C8orf34: variants seen among roughly 807,000 people sequenced by gnomAD.
C8orf34 encodes uncharacterized protein C8orf34.
A neutral mutation model predicts 68.3 loss-of-function variants in C8orf34; 65 were observed. That is an observed-to-expected ratio of 0.95 (90% CI 0.78 to 1.17). The LOEUF (loss-of-function observed/expected upper bound fraction) is 1.17. C8orf34 is among the 50% of genes most tolerant of loss of function. The pLI is 0.00. For missense variants in C8orf34, 664 were observed against 655.4 expected, an observed-to-expected ratio of 1.01 and a Z score of -0.14; for synonymous variants, 244 against 241.2, an observed-to-expected ratio of 1.01 and a Z score of -0.11.
intron 1 of C8orf34, among the ~76,000 whole-genome samples, chr8:68,399,474 A>C (rs1808857355): frequency 6.6e-6 from 1 of 152,126 alleles, no homozygotes; most frequent in Non-Finnish European, 1.5e-5. Context: ...CATCTATGTC[A>C]CTGCAAAAGA....
At chr8:68,746,078 A>T (rs1822481096) in intron 10 of C8orf34, among the ~76,000 whole-genome samples, 1 of 152,222 alleles carries the variant, frequency 6.6e-6, no homozygotes. Flanking sequence ...AGGATTAAGA[A>T]TCTCACTCAA....
chr8:68,338,237 A>G (rs73683497), intron 1 of C8orf34, among the ~76,000 whole-genome samples: 1 of 152,272 alleles, frequency 6.6e-6, no homozygotes, highest in African/African-American at 2.4e-5. Context: ...CCCATTAATG[A>G]GGGAGCAGCT....
At chr8:68,434,323 C>T (rs1473694785) in intron 1 of C8orf34, among the ~76,000 whole-genome samples, 1 of 152,132 alleles carries the variant, frequency 6.6e-6, no homozygotes, top group Non-Finnish European at 1.5e-5. Flanking sequence ...GATGTGAGGT[C>T]CCAGTGTGTG....
chr8:68,607,011 C>T (rs1396889695), intron 7 of C8orf34, among the ~76,000 whole-genome samples: 3 of 152,040 alleles, frequency 2.0e-5, no homozygotes, highest in African/African-American at 7.2e-5. Flanking sequence ...CAACATACTA[C>T]ATATCTCCAG....
At chr8:68,429,930 C>A (rs1388223861) in intron 1 of C8orf34, among the ~76,000 whole-genome samples, 1 of 151,980 alleles carries the variant, frequency 6.6e-6, no homozygotes, top group Non-Finnish European at 1.5e-5. Context: ...AACCTAAAAC[C>A]CTTGGAATTT....
intron 10 of C8orf34, among the ~76,000 whole-genome samples, chr8:68,771,444 T>C (rs1242730168): frequency 6.6e-6 from 1 of 152,166 alleles, no homozygotes; most frequent in African/African-American, 2.4e-5. Context: ...AATTAGGAAG[T>C]GATATATGAT....
chr8:68,779,807 A>T (rs1585870939), intron 11 of C8orf34, among the ~76,000 whole-genome samples: 1 of 152,266 alleles, frequency 6.6e-6, no homozygotes, highest in East Asian at 1.9e-4. Flanking sequence ...ATTATTAATT[A>T]TCATAGTTTT....
At chr8:68,616,370 A>C (rs1489357813) in intron 7 of C8orf34, among the ~76,000 whole-genome samples, 1 of 151,948 alleles carries the variant, frequency 6.6e-6, no homozygotes, top group African/African-American at 2.4e-5. Flanking sequence ...CTAGTCTTTT[A>C]ATTGTGATGT....
At chr8:68,499,174 T>C (rs959872811) in intron 5 of C8orf34, among the ~76,000 whole-genome samples, 1 of 152,300 alleles carries the variant, frequency 6.6e-6, no homozygotes. Context: ...TGAGAACATG[T>C]GGTATTTGGT....
chr8:68,357,109 T>G, intron 1 of C8orf34, among the ~76,000 whole-genome samples: 1 of 152,156 alleles, frequency 6.6e-6, no homozygotes, highest in East Asian at 1.9e-4. Flanking sequence ...TCATTTTATT[T>G]TTTTCCTGTT....
At chr8:68,786,266 T>C (rs1252288031) in intron 11 of C8orf34, among the ~76,000 whole-genome samples, 1 of 151,994 alleles carries the variant, frequency 6.6e-6, no homozygotes, top group Non-Finnish European at 1.5e-5. Context: ...AGGAGAACCA[T>C]CTTTCCCCTC....
intron 1 of C8orf34, among the ~76,000 whole-genome samples, chr8:68,333,203 C>T (rs1188224837): frequency 6.6e-6 from 1 of 152,094 alleles, no homozygotes; most frequent in Non-Finnish European, 1.5e-5. Flanking sequence ...TTATGAAGTG[C>T]CCCCTAACCC....
At chr8:68,648,410 C>T (rs1009145464) in intron 8 of C8orf34, among the ~76,000 whole-genome samples, 1 of 152,160 alleles carries the variant, frequency 6.6e-6, no homozygotes, top group Non-Finnish European at 1.5e-5. Flanking sequence ...ATACCAATAA[C>T]TGGCAGACAA....
chr8:68,568,153 T>C (rs1816653387), intron 7 of C8orf34, among the ~76,000 whole-genome samples: 1 of 152,128 alleles, frequency 6.6e-6, no homozygotes, highest in Admixed American at 6.5e-5. Context: ...GCAATTACAA[T>C]AGGAACACCA....
intron 5 of C8orf34, among the ~76,000 whole-genome samples, chr8:68,505,997 T>G (rs1814004620): frequency 1.3e-5 from 2 of 152,182 alleles, no homozygotes; most frequent in Non-Finnish European, 2.9e-5. Context: ...AACTCATCAG[T>G]GAAACCAACC....
At chr8:68,467,675 C>G (rs1049054048) in intron 3 of C8orf34, among the ~76,000 whole-genome samples, 2 of 151,892 alleles carry the variant, frequency 1.3e-5, no homozygotes, top group African/African-American at 2.4e-5. Flanking sequence ...TAGAGCAACT[C>G]CAGTAGGAGC....
chr8:68,686,788 G>A (rs1037790192), intron 8 of C8orf34, among the ~76,000 whole-genome samples: 2 of 152,086 alleles, frequency 1.3e-5, no homozygotes, highest in African/African-American at 2.4e-5. Context: ...AATCAGGCAA[G>A]AGAAAGAAAT....
At chr8:68,561,622 G>A (rs1245741253) in intron 7 of C8orf34, among the ~76,000 whole-genome samples, 1 of 152,128 alleles carries the variant, frequency 6.6e-6, no homozygotes, top group African/African-American at 2.4e-5. Context: ...GCTGGACGTG[G>A]TGGCAGACAC....
chr8:68,801,933 C>T (rs1824338613), intron 12 of C8orf34, among the ~76,000 whole-genome samples: 1 of 151,420 alleles, frequency 6.6e-6, no homozygotes, highest in African/African-American at 2.4e-5. Context: ...TTCTCTCTCA[C>T]ACAGGCATGT....
Sources: gnomAD v4.1 joint callset for allele counts (sites outside exome capture counted in the v4.1 genomes callset) on GRCh38, gnomAD v4.1.1 for gene constraint, MANE v1.5 for transcripts, NCBI Gene and HGNC (gene_info 2026-07-23, HGNC 2026-07-21) for gene names.